GALNT13: variants seen among roughly 807,000 people sequenced by gnomAD.
GALNT13 encodes UDP-GalNAc:polypeptide N-acetylgalactosaminyltransferase 13.
GALNT13 carries 28 observed loss-of-function variants against 64.2 expected under a neutral mutation model. That is an observed-to-expected ratio of 0.44 (90% CI 0.32 to 0.60). The LOEUF is 0.60. GALNT13 is among the 20% of genes least tolerant of loss of function. GALNT13 has a pLI of 0.05. For missense variants in GALNT13, 577 were observed against 669.8 expected, an observed-to-expected ratio of 0.86 and a Z score of 1.53; for synonymous variants, 214 against 224.6, an observed-to-expected ratio of 0.95 and a Z score of 0.42.
chr2:153,963,962 T>C (rs1342742286), intron 3 of GALNT13, among the ~76,000 whole-genome samples: 1 of 152,150 alleles, frequency 6.6e-6, no homozygotes, highest in Non-Finnish European at 1.5e-5. Context: ...CTAAGAAATA[T>C]TTTCCAATGC....
At chr2:153,496,973 G>A in the GALNT13 span, among the ~76,000 whole-genome samples, 175 of 133,486 alleles carry the variant, frequency 1.3e-3, no homozygotes, top group African/African-American at 4.7e-3. Flanking sequence ...CAGCCTGGGC[G>A]ACAGAGCAAG....
chr2:154,270,182 G>T (rs986170257), intron 8 of GALNT13, among the ~76,000 whole-genome samples: 3 of 151,430 alleles, frequency 2.0e-5, no homozygotes, highest in East Asian at 1.9e-4. Context: ...TTAAGGCATC[G>T]TAATTTCAAT....
chr2:154,022,644 C>A (rs1574352033), intron 3 of GALNT13, among the ~76,000 whole-genome samples: 2 of 152,146 alleles, frequency 1.3e-5, no homozygotes, highest in South Asian at 4.1e-4. Flanking sequence ...TTCAAAAAAC[C>A]AGCTCCTGGA....
chr2:153,493,717 A>C, the GALNT13 span, among the ~76,000 whole-genome samples: 1 of 152,160 alleles, frequency 6.6e-6, no homozygotes, highest in East Asian at 1.9e-4. Flanking sequence ...ATTCTTATGA[A>C]TATAGATATT....
At chr2:153,095,605 C>A in the GALNT13 span, among the ~76,000 whole-genome samples, 3 of 152,146 alleles carry the variant, frequency 2.0e-5, no homozygotes, top group African/African-American at 4.8e-5. Context: ...TATTGCAGCA[C>A]TATTCACAAT....
At chr2:153,185,952 G>T in the GALNT13 span, among the ~76,000 whole-genome samples, 1 of 151,998 alleles carries the variant, frequency 6.6e-6, no homozygotes, top group Non-Finnish European at 1.5e-5. Context: ...GGGTTGGAGA[G>T]TTCTGTAGAT....
chr2:153,831,376 C>T, the GALNT13 span, among the ~76,000 whole-genome samples: 1 of 152,142 alleles, frequency 6.6e-6, no homozygotes, highest in African/African-American at 2.4e-5. Flanking sequence ...TAGCAGGAGG[C>T]GGCAAGGACA....
At chr2:153,776,562 A>C in the GALNT13 span, among the ~76,000 whole-genome samples, 1 of 152,334 alleles carries the variant, frequency 6.6e-6, no homozygotes, top group African/African-American at 2.4e-5. Context: ...TAACATCCTG[A>C]AGAAGCTTCT....
At chr2:153,837,829 T>A in the GALNT13 span, among the ~76,000 whole-genome samples, 1 of 152,068 alleles carries the variant, frequency 6.6e-6, no homozygotes, top group African/African-American at 2.4e-5. Context: ...ATTTTAGTGT[T>A]TTAAGGAATC....
At chr2:154,360,257 C>T (rs1348533284) in intron 9 of GALNT13, among the ~76,000 whole-genome samples, 1 of 152,134 alleles carries the variant, frequency 6.6e-6, no homozygotes, top group Non-Finnish European at 1.5e-5. Flanking sequence ...ATATCATTAA[C>T]ATTTATATCC....
chr2:153,323,179 T>C, the GALNT13 span, among the ~76,000 whole-genome samples: 10 of 152,212 alleles, frequency 6.6e-5, no homozygotes, highest in Non-Finnish European at 1.5e-4. Context: ...GACTTCTTAA[T>C]GATTGCCACT....
At chr2:153,352,874 A>T in the GALNT13 span, among the ~76,000 whole-genome samples, 1 of 152,018 alleles carries the variant, frequency 6.6e-6, no homozygotes, top group African/African-American at 2.4e-5. Context: ...TACGTCTTGA[A>T]GTTGGAGAAT....
chr2:153,725,320 G>C, the GALNT13 span, among the ~76,000 whole-genome samples: 26,990 of 151,038 alleles, frequency 0.18, 2,933 homozygotes, highest in Non-Finnish European at 0.24. Flanking sequence ...GAGGGGAGAG[G>C]GGGGAGGGAT....
chr2:153,447,859 C>A, the GALNT13 span, among the ~76,000 whole-genome samples: 1 of 152,178 alleles, frequency 6.6e-6, no homozygotes, highest in South Asian at 2.1e-4. Flanking sequence ...ATTATGAGGT[C>A]TTGGATCATT....
chr2:153,803,012 T>C, the GALNT13 span, among the ~76,000 whole-genome samples: 1 of 152,188 alleles, frequency 6.6e-6, no homozygotes, highest in African/African-American at 2.4e-5. Flanking sequence ...TCAGTGCCCT[T>C]AACAAGAACA....
At chr2:153,136,875 T>TA in the GALNT13 span, among the ~76,000 whole-genome samples, 4 of 76,718 alleles carry the variant, frequency 5.2e-5, no homozygotes, top group East Asian at 1.1e-3. Context: ...CACACACACT[T>TA]ACATCTGTGT....
At chr2:153,592,808 C>A in the GALNT13 span, 1 of 152,304 alleles carries the variant, frequency 6.6e-6, no homozygotes, top group African/African-American at 2.4e-5. Context: ...GGAACACACA[C>A]CCCCAGTGGA....
In GALNT13 at chr2:154,193,215, A is replaced by G. The variant is rs140913962; in HGVS notation, c.312-48815A>G. The stretch of plus-strand genomic sequence containing the variant: ...TTTGAAAATATTTCATAAATAATTT[A>G]TAATTGTTATACACACAAATATTAT... On this transcript the variant is annotated intron_variant, in intron 4 of 12. Coordinates refer to ENST00000392825, the MANE Select transcript of GALNT13 (RefSeq NM_052917.4). 8.7e-4 allele frequency among the ~76,000 whole-genome samples: 133 copies of G among 152,368 alleles called. 3 individuals are homozygous for G. In the East Asian group the frequency reaches 0.019, roughly 22 times the overall value.
intron 4 of GALNT13, among the ~76,000 whole-genome samples, chr2:154,229,142 A>G (rs898281934): frequency 1.9e-4 from 29 of 152,116 alleles, no homozygotes; most frequent in African/African-American, 6.7e-4. Context: ...AAAGAAAAAA[A>G]AATGCTTCTC....
Sources: gnomAD v4.1 joint callset for allele counts (sites outside exome capture counted in the v4.1 genomes callset) on GRCh38, gnomAD v4.1.1 for gene constraint, MANE v1.5 for transcripts, NCBI Gene and HGNC (gene_info 2026-07-23, HGNC 2026-07-21) for gene names.